The following EXOC2 variants were observed in gnomAD, a reference collection of about 807,000 sequenced individuals.
The protein encoded by EXOC2 is SEC5-like 1.
A neutral mutation model predicts 131.8 loss-of-function variants in EXOC2; 70 were observed. The observed-to-expected ratio is 0.53, with a 90% CI of 0.44 to 0.65. EXOC2 has a LOEUF of 0.65. EXOC2 is among the 30% of genes least tolerant of loss of function. The probability of loss-of-function intolerance (pLI) is 0.00; values close to 1 mark genes in which losing one functional copy is unlikely to be tolerated. For synonymous variants in EXOC2, 411 were observed against 398.4 expected, an observed-to-expected ratio of 1.03 and a Z score of -0.38; for missense variants, 923 against 1,108.6, an observed-to-expected ratio of 0.83 and a Z score of 2.38.
chr6:650,292 G>A (rs1018711467), intron 1 of EXOC2, among the ~76,000 whole-genome samples: 2 of 152,080 alleles, frequency 1.3e-5, no homozygotes, highest in South Asian at 2.1e-4. Flanking sequence ...ACTGTGAAAC[G>A]TTTCTTATCT....
At chr6:656,279 GTC>G (rs1227435649) in intron 1 of EXOC2, 11 of 1,614,184 alleles carry the variant, frequency 6.8e-6, no homozygotes, top group African/African-American at 1.3e-5. Context: ...TGCTCTCCAG[GTC>G]TCTGTTTTCA....
At chr6:589,830 C>T (rs762155307) in intron 11 of EXOC2, among the ~76,000 whole-genome samples, 12 of 152,310 alleles carry the variant, frequency 7.9e-5, no homozygotes, top group African/African-American at 1.4e-4. Context: ...CCCCAGTGGA[C>T]GCGTGGTAGC....
At chr6:617,193 A>C (rs1280461787) in intron 6 of EXOC2, among the ~76,000 whole-genome samples, 3 of 152,162 alleles carry the variant, frequency 2.0e-5, no homozygotes, top group Non-Finnish European at 2.9e-5. Context: ...TAAAAAAAAA[A>C]CTCTACCAAC....
At chr6:526,432 A>ATTTTT (rs70985804) in intron 23 of EXOC2, among the ~76,000 whole-genome samples, 4 of 76,012 alleles carry the variant, frequency 5.3e-5, no homozygotes, top group African/African-American at 1.6e-4. Context: ...TTCTTTGTGG[A>ATTTTT]TTTTTTTTTT....
rs114563010 is a variant in EXOC2, at chr6:567,654, C to T, written c.1444-2725G>A. ...TTAATGTTTCATACATGTCTACATA[C>T]GTGTACATGATGTGTTGTGTGTCTG... On this transcript the variant is annotated intron_variant, in intron 13 of 27. Coordinates refer to ENST00000230449, the MANE Select transcript of EXOC2 (RefSeq NM_018303.6). Among the ~76,000 whole-genome samples, 809 of 152,012 alleles carry T rather than the reference C, an allele frequency of 5.3e-3. 4 individuals are homozygous for T. Among genetic ancestry groups the T allele is most frequent in the African/African-American group, 0.018 (725 of 41,410 alleles).
chr6:576,533 G>A (rs1391765117), intron 12 of EXOC2, among the ~76,000 whole-genome samples: 1 of 152,076 alleles, frequency 6.6e-6, no homozygotes. Context: ...AATAAGCACT[G>A]ACCTGCACCC....
In EXOC2 at chr6:497,336, A is replaced by G. The variant is rs779410808; in HGVS notation, c.2559+31T>C. ...TTTATATGCTTTAAATAACAACAGA[A>G]GTTCAATATGAAATTGAATGATTTT... On this transcript the variant is annotated intron_variant, in intron 25 of 27. Coordinates refer to ENST00000230449, the MANE Select transcript of EXOC2 (RefSeq NM_018303.6). 2.9e-5 allele frequency: 47 copies of G among 1,596,540 alleles called. No homozygotes were observed. The Middle Eastern group carries it at 5.0e-4, about 17-fold the overall frequency.
rs1759386174 is a variant in EXOC2, at chr6:589,196, C to T, written c.1192+3273G>A. Among the ~76,000 whole-genome samples the T allele has an allele frequency of 3.9e-5, 6 of 152,192 alleles. No homozygotes were observed. In the South Asian group the frequency reaches 1.2e-3, roughly 31 times the overall value. The stretch of plus-strand genomic sequence containing the variant: ...ATTCATCACCACCTTTGCTGGAGAG[C>T]AGTGACATTTGTCGAGCACCCGCAC... On this transcript the variant is annotated intron_variant, in intron 11 of 27. Coordinates refer to ENST00000230449, the MANE Select transcript of EXOC2 (RefSeq NM_018303.6).
At chr6:539,063 C>CT (rs1428600769) in intron 22 of EXOC2, among the ~76,000 whole-genome samples, 1 of 98,672 alleles carries the variant, frequency 1.0e-5, no homozygotes, top group Non-Finnish European at 2.0e-5. Flanking sequence ...GAGCAAGACT[C>CT]TGTCTGAAGA....
At chr6:619,577 T>TA (rs764872284) in intron 4 of EXOC2, 34 bp from the exon 5 acceptor site, 46 of 1,482,428 alleles carry the variant, frequency 3.1e-5, no homozygotes, top group Non-Finnish European at 4.2e-5. Flanking sequence ...TATATTTCAA[T>TA]GGTTATTATG....
Position 637,834 on chromosome 6 carries a change from A to T in EXOC2, c.-16T>A. 6.2e-7 allele frequency: 1 copy of T among 1,608,372 alleles called. No individual in the cohort carries two copies. Among genetic ancestry groups the T allele is most frequent in the Non-Finnish European group, 8.5e-7 (1 of 1,175,718 alleles). On this transcript the variant is annotated 5_prime_UTR_variant, in exon 2 of 28. Transcript: ENST00000230449. ...ATCGAGACATTGTGCTTTGTGGAGC[A>T]AACTGGTGATCCTGTTAGAGAAGTA...
chr6:625,518 C>CTTTTTTTTTTT (rs796295514), intron 4 of EXOC2, among the ~76,000 whole-genome samples: 13 of 108,036 alleles, frequency 1.2e-4, no homozygotes, highest in Non-Finnish European at 1.7e-4. Flanking sequence ...TGTTTCCGTT[C>CTTTTTTTTTTT]TTTTTTTTTT....
intron 25 of EXOC2, among the ~76,000 whole-genome samples, chr6:493,736 G>A (rs1386828476): frequency 6.6e-6 from 1 of 152,138 alleles, no homozygotes; most frequent in Non-Finnish European, 1.5e-5. Context: ...ATTCTCAGTG[G>A]GAGAGTGAAG....
intron 23 of EXOC2, among the ~76,000 whole-genome samples, chr6:523,585 T>C (rs1765595182): frequency 6.6e-6 from 1 of 152,260 alleles, no homozygotes; most frequent in South Asian, 2.1e-4. Context: ...CAAACATGTA[T>C]ATTTTCATAT....
intron 13 of EXOC2, among the ~76,000 whole-genome samples, chr6:571,971 T>A (rs1758302844): frequency 6.6e-6 from 1 of 152,228 alleles, no homozygotes; most frequent in Non-Finnish European, 1.5e-5. Context: ...CATATGATGA[T>A]GAAGATACTA....
At chr6:634,037 T>C (rs1302389890) in intron 2 of EXOC2, among the ~76,000 whole-genome samples, 1 of 150,638 alleles carries the variant, frequency 6.6e-6, no homozygotes, top group African/African-American at 2.4e-5. Context: ...GAAACCAGAA[T>C]GTATGTGGCA....
intron 11 of EXOC2, 34 bp downstream of exon 11, chr6:592,435 G>A: frequency 6.5e-7 from 1 of 1,545,592 alleles, no homozygotes; most frequent in South Asian, 1.1e-5. Flanking sequence ...TGACATGAAG[G>A]AATCACACAA....
At chr6:581,765 C>T (rs553722011) in intron 11 of EXOC2, among the ~76,000 whole-genome samples, 4 of 151,986 alleles carry the variant, frequency 2.6e-5, no homozygotes, top group African/African-American at 7.2e-5. Flanking sequence ...AACCACTTAA[C>T]ATTAAAAAAA....
intron 1 of EXOC2, among the ~76,000 whole-genome samples, chr6:690,483 G>A (rs1419725807): frequency 6.6e-6 from 1 of 152,144 alleles, no homozygotes; most frequent in Non-Finnish European, 1.5e-5. Context: ...GGCCGAGGTG[G>A]GTGGATCACG....
Sources: gnomAD v4.1 joint callset for allele counts (sites outside exome capture counted in the v4.1 genomes callset) on GRCh38, gnomAD v4.1.1 for gene constraint, MANE v1.5 for transcripts, NCBI Gene and HGNC (gene_info 2026-07-23, HGNC 2026-07-21) for gene names.